Variants in PPHLN1 observed in about 807,000 individuals in gnomAD.
PPHLN1 encodes periphilin 1.
PPHLN1 carries 29 observed loss-of-function variants against 51.3 expected under a neutral mutation model. The observed-to-expected ratio is 0.57, with a 90% CI of 0.42 to 0.77. The LOEUF is 0.77. Among genes scored for constraint, PPHLN1 ranks in the 30% least tolerant of loss-of-function variants. The pLI is 0.00. For missense variants in PPHLN1, 436 were observed against 438.4 expected, an observed-to-expected ratio of 0.99 and a Z score of 0.05; for synonymous variants, 147 against 147.8, an observed-to-expected ratio of 0.99 and a Z score of 0.04.
intron 9 of PPHLN1, among the ~76,000 whole-genome samples, chr12:42,417,257 A>G (rs1326792426): frequency 6.6e-6 from 1 of 152,234 alleles, no homozygotes; most frequent in South Asian, 2.1e-4. Context: ...ATAAAGCAAG[A>G]GGGGCTATCA....
intron 9 of PPHLN1, among the ~76,000 whole-genome samples, chr12:42,403,227 T>G (rs1369206877): frequency 6.6e-6 from 1 of 152,224 alleles, no homozygotes; most frequent in Non-Finnish European, 1.5e-5. Context: ...CTCACCACTA[T>G]CTTGTCTAGA....
intron 1 of PPHLN1, among the ~76,000 whole-genome samples, chr12:42,332,976 A>G (rs1382345706): frequency 1.3e-5 from 2 of 152,160 alleles, no homozygotes; most frequent in African/African-American, 4.8e-5. Flanking sequence ...GTAATACATA[A>G]TAGTATATAT....
downstream of PPHLN1, chr12:42,444,349 G>A (rs1218997327): frequency 6.6e-6 from 1 of 150,788 alleles, no homozygotes; most frequent in African/African-American, 2.4e-5. Flanking sequence ...CTAAAAGGCA[G>A]TATAGCCCTA....
At chr12:42,439,566 G>GT (rs2082766072) in intron 9 of PPHLN1, among the ~76,000 whole-genome samples, 1 of 152,248 alleles carries the variant, frequency 6.6e-6, no homozygotes, top group African/African-American at 2.4e-5. Context: ...CCAGACTGGA[G>GT]TGCAGTGGCA....
chr12:42,415,614 C>T (rs1293014248), intron 9 of PPHLN1, among the ~76,000 whole-genome samples: 1 of 152,248 alleles, frequency 6.6e-6, no homozygotes, highest in Non-Finnish European at 1.5e-5. Flanking sequence ...CTACCAGGCT[C>T]TGATTCGTGG....
At chr12:42,335,222 C>A (rs573359088) in intron 1 of PPHLN1, among the ~76,000 whole-genome samples, 1 of 152,120 alleles carries the variant, frequency 6.6e-6, no homozygotes, top group South Asian at 2.1e-4. Context: ...CCCACCCCCC[C>A]CTTCTCTGAA....
downstream of PPHLN1, chr12:42,446,876 AT>A (rs1437061510): frequency 5.9e-5 from 25 of 421,026 alleles, no homozygotes; most frequent in Non-Finnish European, 8.4e-5. Context: ...AAAGGAATTT[AT>A]CTAGATAAGT....
intron 2 of PPHLN1, among the ~76,000 whole-genome samples, chr12:42,347,437 G>A (rs1031705495): frequency 6.6e-6 from 1 of 152,144 alleles, no homozygotes; most frequent in Non-Finnish European, 1.5e-5. Flanking sequence ...TTGTATTCAT[G>A]TCTGGCAATG....
intron 9 of PPHLN1, among the ~76,000 whole-genome samples, chr12:42,411,228 T>C (rs1796360): frequency 0.33 from 50,395 of 151,682 alleles, 8,778 homozygotes; most frequent in Non-Finnish European, 0.38. Flanking sequence ...GCCATGTAAT[T>C]GATCCATTGA....
intron 4 of PPHLN1, among the ~76,000 whole-genome samples, chr12:42,369,786 C>G (rs1193050163): frequency 1.3e-5 from 2 of 152,180 alleles, no homozygotes; most frequent in Non-Finnish European, 2.9e-5. Flanking sequence ...CTCCTCATTA[C>G]TTTCTCCAAG....
At chr12:42,350,173 G>A (rs1297984974) in intron 2 of PPHLN1, 3 of 152,142 alleles carry the variant, frequency 2.0e-5, no homozygotes, top group East Asian at 2.0e-4. Flanking sequence ...TCCCAGACCG[G>A]GCGGCTGGGG....
At position 42,393,720 on chromosome 12, in the gene PPHLN1, ATC is replaced by A. The variant is rs923836176; in HGVS notation, c.768+33_768+34del. On this transcript the variant is annotated intron_variant, in intron 8 of 9. Coordinates refer to ENST00000358314, the MANE Select transcript of PPHLN1 (RefSeq NM_201439.2). ...GCATAATGTCTCCTTTATGTTTCAC[ATC>A]TGAAAGTTTTGTCTGGATTTTAAAT... The A allele has an allele frequency of 7.8e-6, 12 of 1,545,482 alleles. No individual in the cohort carries two copies. In the Admixed American group the frequency reaches 9.0e-5, roughly 12 times the overall value.
rs71084642 is a variant in PPHLN1, at chr12:42,360,458, C to CTT, written c.299+5264_299+5265dup. On this transcript the variant is annotated intron_variant, in intron 4 of 9. Coordinates refer to ENST00000358314, the MANE Select transcript of PPHLN1 (RefSeq NM_201439.2). ...ACAGTTCCTGAAGTGATGCTGAATTCTTTTTTTTTTTTTTTTTTTTTTTTT... is the reference window on the plus strand; with the variant it reads ...ACAGTTCCTGAAGTGATGCTGAATTCTTTTTTTTTTTTTTTTTTTTTTTTTTT... 8.9e-4 allele frequency among the ~76,000 whole-genome samples: 50 copies of CTT among 56,292 alleles called. 8 individuals are homozygous for CTT. The highest frequency in any genetic ancestry group is 3.4e-3 in the African/African-American group (44 of 13,100). The allele number at this position is 56,292 out of a possible 152,430, so 36.9% of individuals were successfully genotyped here. A position where few individuals can be genotyped will look rare whatever the true frequency, so the allele number is the denominator to read the frequency against.
intron 7 of PPHLN1, among the ~76,000 whole-genome samples, chr12:42,389,277 G>T (rs1358406948): frequency 6.6e-6 from 1 of 152,196 alleles, no homozygotes; most frequent in Non-Finnish European, 1.5e-5. Context: ...GGAGGCTGAG[G>T]CAGGAGAATG....
chr12:42,349,192 G>A (rs75855217), intron 2 of PPHLN1, among the ~76,000 whole-genome samples: 7 of 152,230 alleles, frequency 4.6e-5, no homozygotes, highest in South Asian at 2.1e-4. Context: ...ATTTTTTTCC[G>A]TAGATTTGCA....
intron 1 of PPHLN1, among the ~76,000 whole-genome samples, chr12:42,334,599 A>C (rs2070309601): frequency 6.6e-6 from 1 of 152,194 alleles, no homozygotes; most frequent in Non-Finnish European, 1.5e-5. Context: ...ATAAGGAGCC[A>C]CCAAAAATCT....
In PPHLN1 at chr12:42,346,908, G is replaced by C. The variant is rs149925928; in HGVS notation, c.73-4977G>C. 7.9e-3 allele frequency among the ~76,000 whole-genome samples: 1,197 copies of C among 152,180 alleles called. 19 individuals are homozygous for C. The highest frequency in any genetic ancestry group is 0.027 in the African/African-American group (1,112 of 41,512). ...TTTAAAAAAATTATTATTACTTGGA[G>C]ATGGCATCTCACTCTGTTTTCCCAG... On this transcript the variant is annotated intron_variant, in intron 2 of 9. Coordinates refer to ENST00000358314, the MANE Select transcript of PPHLN1 (RefSeq NM_201439.2).
At chr12:42,446,207 A>T (rs761409498), downstream of PPHLN1, 8 of 1,612,864 alleles carry the variant, frequency 5.0e-6, no homozygotes, top group Non-Finnish European at 6.8e-6. Flanking sequence ...GGCTGAGAGG[A>T]TCCTGCTCCG....
chr12:42,431,752 G>T, intron 9 of PPHLN1: 1 of 1,031,504 alleles, frequency 9.7e-7, no homozygotes, highest in Non-Finnish European at 1.5e-6. Context: ...GTATGCTGTA[G>T]CTTAGAAATG....
Sources: allele counts gnomAD v4.1 joint callset (sites outside exome capture counted in the v4.1 genomes callset), GRCh38; gene constraint gnomAD v4.1.1; transcripts MANE v1.5; gene names NCBI Gene and HGNC (gene_info 2026-07-23, HGNC 2026-07-21).